The following RCOR1 variants were observed in gnomAD, a reference collection of about 807,000 sequenced individuals.
The protein encoded by RCOR1 is REST corepressor 1, also known as REST corepressor.
A neutral mutation model predicts 64.0 loss-of-function variants in RCOR1; 12 were observed. That is an observed-to-expected ratio of 0.19 (90% CI 0.12 to 0.30). The LOEUF is 0.30. Ranked by LOEUF, RCOR1 falls within the 10% of genes least tolerant of loss-of-function variation. The pLI, the probability that RCOR1 is intolerant of heterozygous loss-of-function variation, is 1.00. For synonymous variants in RCOR1, 279 were observed against 227.2 expected (o/e 1.23, Z -2.05); for missense variants, 502 against 621.2 (o/e 0.81, Z 2.04).
intron 2 of RCOR1, among the ~76,000 whole-genome samples, chr14:102,605,956 C>T (rs1286118345): frequency 2.6e-5 from 4 of 152,088 alleles, no homozygotes; most frequent in Non-Finnish European, 5.9e-5. Context: ...AATGGAGTCT[C>T]GCTCTGTTGC....
At chr14:102,685,668 T>G (rs936628481) in intron 3 of RCOR1, among the ~76,000 whole-genome samples, 1 of 152,084 alleles carries the variant, frequency 6.6e-6, no homozygotes, top group Non-Finnish European at 1.5e-5. Context: ...CATTTCAGAA[T>G]AGCTAGAAGA....
chr14:102,603,226 G>T (rs986879739), intron 2 of RCOR1, among the ~76,000 whole-genome samples: 1 of 151,918 alleles, frequency 6.6e-6, no homozygotes. Context: ...GACTACAGTT[G>T]TTCACCACCA....
intron 10 of RCOR1, 167 bp downstream of exon 10, chr14:102,721,544 C>T: frequency 2.4e-6 from 1 of 421,370 alleles, no homozygotes; most frequent in Non-Finnish European, 4.2e-6. Context: ...GAGGGAGACC[C>T]TGACTTTAAA....
chr14:102,637,270 G>C (rs1416642749), intron 2 of RCOR1, among the ~76,000 whole-genome samples: 5 of 151,618 alleles, frequency 3.3e-5, no homozygotes. Context: ...GGGATTACAG[G>C]CGCCCGCCAC....
intron 7 of RCOR1, among the ~76,000 whole-genome samples, 168 bp downstream of exon 7, chr14:102,711,181 T>C (rs771072298): frequency 2.0e-5 from 3 of 152,244 alleles, no homozygotes; most frequent in Non-Finnish European, 4.4e-5. Context: ...TTGTATAATT[T>C]TGTTTGCTAA....
At chr14:102,664,155 G>T (rs982806830) in intron 2 of RCOR1, among the ~76,000 whole-genome samples, 2 of 152,108 alleles carry the variant, frequency 1.3e-5, no homozygotes, top group Non-Finnish European at 2.9e-5. Context: ...TCACCCGCTG[G>T]AGTGCAGTGG....
At chr14:102,629,446 C>T (rs1447298316) in intron 2 of RCOR1, among the ~76,000 whole-genome samples, 3 of 151,524 alleles carry the variant, frequency 2.0e-5, no homozygotes, top group South Asian at 2.1e-4. Context: ...ACAGCCTCCC[C>T]CCCCCCCACC....
intron 10 of RCOR1, 134 bp downstream of exon 10, chr14:102,721,511 A>G: frequency 1.9e-6 from 1 of 524,244 alleles, no homozygotes; most frequent in Non-Finnish European, 3.4e-6. Context: ...TGATCACACC[A>G]CTGCATTCCA....
At chr14:102,726,400 G>T in intron 11 of RCOR1, 68 bp from the exon 12 acceptor site, 1 of 1,406,774 alleles carries the variant, frequency 7.1e-7, no homozygotes, top group African/African-American at 1.4e-5. Context: ...CAGTACACTG[G>T]AAATAGCAGC....
intron 3 of RCOR1, among the ~76,000 whole-genome samples, chr14:102,694,992 A>G (rs1895615692): frequency 6.6e-6 from 1 of 152,220 alleles, no homozygotes; most frequent in African/African-American, 2.4e-5. Flanking sequence ...CCTTGTCATC[A>G]GCCCACCATA....
intron 2 of RCOR1, chr14:102,657,639 A>T (rs187702284): frequency 9.6e-5 from 57 of 596,704 alleles, no homozygotes; most frequent in Non-Finnish European, 9.5e-5. Context: ...GGAGTTCGAG[A>T]CCAGCCTGGC....
At chr14:102,703,538 C>CA (rs1895789264) in intron 4 of RCOR1, among the ~76,000 whole-genome samples, 1 of 152,116 alleles carries the variant, frequency 6.6e-6, no homozygotes, top group African/African-American at 2.4e-5. Context: ...AAGCCAGAGG[C>CA]AATGGTCTGA....
intron 2 of RCOR1, among the ~76,000 whole-genome samples, chr14:102,671,608 T>C (rs896639782): frequency 6.6e-6 from 1 of 152,208 alleles, no homozygotes; most frequent in Non-Finnish European, 1.5e-5. Flanking sequence ...TTGCCCAGGC[T>C]GGCCTTGAAC....
intron 2 of RCOR1, among the ~76,000 whole-genome samples, chr14:102,612,701 G>C (rs956882098): frequency 2.0e-5 from 3 of 151,754 alleles, no homozygotes; most frequent in African/African-American, 7.3e-5. Context: ...AAATCTGCTT[G>C]CTGGTTACCC....
Position 102,651,181 on chromosome 14 carries a change from A to G in RCOR1, c.362-30714A>G, listed in dbSNP as rs570534141. On this transcript the variant is annotated intron_variant, in intron 2 of 11. Transcript: ENST00000262241. ...CTAGAGGAATTAAAGACACACACAC[A>G]CAAATATAGAGGTGTGAAGTGGGAA... 3.5e-5 allele frequency: 14 copies of G among 405,300 alleles called. No homozygotes were observed. The Admixed American group carries it at 9.0e-4, about 26-fold the overall frequency. The allele number at this position is 405,300 out of a possible 1,614,324, so 25.1% of individuals were successfully genotyped here. A position where few individuals can be genotyped will look rare whatever the true frequency, so the allele number is the denominator to read the frequency against.
Position 102,679,179 on chromosome 14 carries a change from TCTC to T in RCOR1, c.362-2713_362-2711del, listed in dbSNP as rs765132759. 9.2e-5 allele frequency among the ~76,000 whole-genome samples: 14 copies of T among 152,342 alleles called. No individual in the cohort carries two copies. The East Asian group carries it at 2.7e-3, about 29-fold the overall frequency. ...TGTGATTTTGGTACTGTATCTAAGATCTCCTTTCCCAATCCAAGGTCAAAAAGA... is the reference window on the plus strand; with the variant it reads ...TGTGATTTTGGTACTGTATCTAAGATCTTTCCCAATCCAAGGTCAAAAAGA... On this transcript the variant is annotated intron_variant, in intron 2 of 11. Transcript: ENST00000262241.
At chr14:102,632,697 CT>C (rs1343785619) in intron 2 of RCOR1, among the ~76,000 whole-genome samples, 2 of 91,102 alleles carry the variant, frequency 2.2e-5, no homozygotes, top group African/African-American at 9.1e-5. Context: ...TTTCCTTTTC[CT>C]TTCCTTTCCT....
At chr14:102,607,892 AC>A (rs1233501763) in intron 2 of RCOR1, among the ~76,000 whole-genome samples, 1 of 151,886 alleles carries the variant, frequency 6.6e-6, no homozygotes, top group Non-Finnish European at 1.5e-5. Context: ...AAGAAAAACC[AC>A]AAAGTACAAA....
At chr14:102,617,036 G>C (rs1893774891) in intron 2 of RCOR1, among the ~76,000 whole-genome samples, 2 of 152,166 alleles carry the variant, frequency 1.3e-5, no homozygotes, top group Admixed American at 1.3e-4. Context: ...GAAACAGGAA[G>C]GCCAAATATA....
Sources: allele counts gnomAD v4.1 joint callset (sites outside exome capture counted in the v4.1 genomes callset), GRCh38; gene constraint gnomAD v4.1.1; transcripts MANE v1.5; gene names NCBI Gene and HGNC (gene_info 2026-07-23, HGNC 2026-07-21).